PAX5: variants seen among roughly 807,000 people sequenced by gnomAD.
PAX5 encodes the protein paired box 5, also known as paired box protein Pax-5.
Under a neutral mutation model 43.7 loss-of-function variants are expected in PAX5, and 9 were observed. That is an observed-to-expected ratio of 0.21 (90% CI 0.12 to 0.36). PAX5 has a LOEUF of 0.36. Ranked by LOEUF, PAX5 falls within the 10% of genes least tolerant of loss-of-function variation. PAX5 has a pLI of 1.00. For synonymous variants in PAX5, 228 were observed against 214.3 expected (o/e 1.06, Z -0.56); for missense variants, 383 against 532.7 (o/e 0.72, Z 2.77).
chr9:37,002,182 G>T (rs999749812), intron 5 of PAX5, among the ~76,000 whole-genome samples: 1 of 152,110 alleles, frequency 6.6e-6, no homozygotes, highest in Non-Finnish European at 1.5e-5. Flanking sequence ...CTGCTGAGAC[G>T]TGTGCAGGGC....
chr9:36,900,769 G>A (rs1424821703), intron 7 of PAX5, among the ~76,000 whole-genome samples: 1 of 152,054 alleles, frequency 6.6e-6, no homozygotes, highest in Non-Finnish European at 1.5e-5. Context: ...CCCACCACCT[G>A]TGTCCATGCC....
At chr9:36,972,056 A>C (rs1281561935) in intron 5 of PAX5, among the ~76,000 whole-genome samples, 1 of 152,204 alleles carries the variant, frequency 6.6e-6, no homozygotes, top group African/African-American at 2.4e-5. Context: ...CTAGGAGGAA[A>C]ATATAAAAAC....
chr9:36,910,158 T>C (rs1829149914), intron 7 of PAX5, among the ~76,000 whole-genome samples: 1 of 152,210 alleles, frequency 6.6e-6, no homozygotes, highest in African/African-American at 2.4e-5. Flanking sequence ...AAAATCAAAA[T>C]GTAAACACCG....
intron 5 of PAX5, among the ~76,000 whole-genome samples, chr9:36,987,528 G>A (rs2132309238): frequency 6.6e-6 from 1 of 152,324 alleles, no homozygotes; most frequent in East Asian, 1.9e-4. Context: ...TAGGAAAATC[G>A]AGGCCCAGCA....
chr9:37,004,799 C>T (rs551795298), intron 4 of PAX5, among the ~76,000 whole-genome samples: 5 of 152,302 alleles, frequency 3.3e-5, no homozygotes, highest in Admixed American at 6.5e-5. Flanking sequence ...CCATGACATT[C>T]GTTTTGGTGT....
intron 6 of PAX5, among the ~76,000 whole-genome samples, chr9:36,938,659 A>G (rs1478121559): frequency 1.3e-5 from 2 of 152,190 alleles, no homozygotes; most frequent in African/African-American, 4.8e-5. Context: ...CAGGAAAGGA[A>G]GAGGTTTTAT....
At chr9:37,003,353 C>T (rs919457196) in intron 4 of PAX5, among the ~76,000 whole-genome samples, 5 of 151,952 alleles carry the variant, frequency 3.3e-5, no homozygotes, top group South Asian at 4.2e-4. Flanking sequence ...CAGTTTCCCC[C>T]GATTTGATTT....
In PAX5 at chr9:37,015,159, A is replaced by G; in HGVS notation, c.248T>C (p.Ile83Thr). The G allele has an allele frequency of 6.2e-7, 1 of 1,614,190 alleles. No individual in the cohort carries two copies. Among genetic ancestry groups the G allele is most frequent in the Non-Finnish European group, 8.5e-7 (1 of 1,180,024 alleles). The change falls in exon 3 of 10, where the codon ATT becomes ACT. Residue 83 changes from isoleucine to threonine, a missense_variant. Ile to Thr is a moderately conservative substitution (Grantham distance 89). Transcript: ENST00000358127. This position sits in a 1 kb window ranked among gnomAD's most constrained non-coding sequence, Gnocchi z 4.4. ...YETGSIKPGV[I>T]GGSKPKVATP... ...GGCGACCTTTGGTTTGGATCCTCCA[A>G]TTACCCCAGGCTTGATGCTTCCTGT... is the stretch of plus-strand genomic sequence containing the variant.
In PAX5 at chr9:37,034,067, A is replaced by G. The variant is rs1332133930; in HGVS notation, c.-36T>C. 8 of 1,288,592 alleles carry G rather than the reference A, an allele frequency of 6.2e-6. No individual in the cohort carries two copies. The highest frequency in any genetic ancestry group is 5.5e-5 in the South Asian group (4 of 73,310). 79.8% of individuals were successfully genotyped at this position (1,288,592 alleles called of 1,614,324 possible). ...CAGGACTTGATGGAATGGACAGGGA[A>G]AAGTTTCCACTTTTTTGTGCCTTTT... On this transcript the variant is annotated 5_prime_UTR_variant, in exon 1 of 10. Coordinates refer to ENST00000358127, the MANE Select transcript of PAX5 (RefSeq NM_016734.3).
chr9:36,877,656 T>C (rs79668415), intron 8 of PAX5, among the ~76,000 whole-genome samples: 2,761 of 152,320 alleles, frequency 0.018, 31 homozygotes, highest in Middle Eastern at 0.068. Context: ...ATTCAGTGGA[T>C]GCCTTCAGGA....
At chr9:36,977,916 C>T (rs540622749) in intron 5 of PAX5, among the ~76,000 whole-genome samples, 2 of 152,286 alleles carry the variant, frequency 1.3e-5, no homozygotes, top group South Asian at 2.1e-4. Context: ...TGCAGGGGAA[C>T]GGCTATAATT....
chr9:37,022,420 A>C (rs1210911264), intron 1 of PAX5, among the ~76,000 whole-genome samples: 3 of 152,240 alleles, frequency 2.0e-5, no homozygotes, highest in Non-Finnish European at 2.9e-5. Context: ...CTATTTAAAA[A>C]GGTTGTACAG....
In PAX5 at chr9:36,968,009, G is replaced by A. The variant is rs114160779; in HGVS notation, c.605-1285C>T. On this transcript the variant is annotated intron_variant, in intron 5 of 9. Transcript: ENST00000358127. ...ACTGTTCAAAATAAAATCAAGCACAGAGGGCAAATGTTTCCCGTGAGGAAA... is the reference window on the plus strand; with the variant it reads ...ACTGTTCAAAATAAAATCAAGCACAAAGGGCAAATGTTTCCCGTGAGGAAA... Among the ~76,000 whole-genome samples, 694 of 152,280 alleles carry A rather than the reference G, an allele frequency of 4.6e-3. 5 individuals carry two copies. The highest frequency in any genetic ancestry group is 0.016 in the African/African-American group (661 of 41,534).
intron 3 of PAX5, among the ~76,000 whole-genome samples, chr9:37,009,464 G>A (rs939416359): frequency 2.8e-4 from 43 of 152,266 alleles, no homozygotes; most frequent in African/African-American, 9.6e-4. Context: ...ATTTTCAGTG[G>A]TGTCTTTGTA....
intron 6 of PAX5, among the ~76,000 whole-genome samples, chr9:36,933,143 C>CAA (rs35734654): frequency 0.075 from 7,236 of 96,266 alleles, 251 homozygotes; most frequent in Middle Eastern, 0.12. Flanking sequence ...GACCCTGTCT[C>CAA]AAAAAAAAAA....
At chr9:37,020,615 G>A (rs1169111363) in intron 2 of PAX5, 21 bp downstream of exon 2, 3 of 1,612,644 alleles carry the variant, frequency 1.9e-6, no homozygotes, top group South Asian at 1.1e-5. Flanking sequence ...ATCAAGGGAA[G>A]CCTCGAGCTA....
chr9:36,917,418 A>C (rs1829809963), intron 7 of PAX5, among the ~76,000 whole-genome samples: 1 of 152,344 alleles, frequency 6.6e-6, no homozygotes, highest in African/African-American at 2.4e-5. Flanking sequence ...CACCACGACT[A>C]TGTGGGAATA....
chr9:36,932,629 CAA>C (rs914251135), intron 6 of PAX5, among the ~76,000 whole-genome samples: 11 of 152,110 alleles, frequency 7.2e-5, no homozygotes, highest in African/African-American at 2.7e-4. Flanking sequence ...GAAACGAGTC[CAA>C]AACCAAACTG....
intron 7 of PAX5, among the ~76,000 whole-genome samples, chr9:36,888,497 T>A (rs1054053062): frequency 6.6e-6 from 1 of 152,216 alleles, no homozygotes; most frequent in African/African-American, 2.4e-5. Context: ...GAAATGACTA[T>A]GCTACGTGAA....
Sources: gnomAD v4.1 joint callset for allele counts (sites outside exome capture counted in the v4.1 genomes callset) on GRCh38, gnomAD v4.1.1 for gene constraint, Gnocchi (gnomAD v3.1) non-coding constraint, MANE v1.5 for transcripts, NCBI Gene and HGNC (gene_info 2026-07-23, HGNC 2026-07-21) for gene names.